RANBP2: variants seen among roughly 807,000 people sequenced by gnomAD.
RANBP2 encodes E3 SUMO-protein ligase RanBP2.
Under a neutral mutation model 303.6 loss-of-function variants are expected in RANBP2, and 57 were observed. That is an observed-to-expected ratio of 0.19 (90% CI 0.15 to 0.23). The LOEUF (loss-of-function observed/expected upper bound fraction) is 0.23, where lower values mean the gene tolerates loss of function less well. RANBP2 is among the 10% of genes least tolerant of loss of function. The pLI is 1.00. For missense variants in RANBP2, 3,138 were observed against 3,780.8 expected (o/e 0.83, Z 4.46); for synonymous variants, 1,167 against 1,301.5 (o/e 0.90, Z 2.23).
At chr2:109,173,389 C>G in the RANBP2 span, among the ~76,000 whole-genome samples, 3 of 152,124 alleles carry the variant, frequency 2.0e-5, no homozygotes, top group African/African-American at 4.8e-5. Context: ...GTGACTGTTT[C>G]AGATAAAGGC....
chr2:108,779,104 T>C (rs1678069962), intron 25 of RANBP2, among the ~76,000 whole-genome samples: 1 of 152,166 alleles, frequency 6.6e-6, no homozygotes, highest in African/African-American at 2.4e-5. Flanking sequence ...GAAGTTCCCA[T>C]GCAACCTGTG....
At chr2:108,956,224 A>G in the RANBP2 span, among the ~76,000 whole-genome samples, 3 of 152,274 alleles carry the variant, frequency 2.0e-5, no homozygotes, top group East Asian at 1.9e-4. Context: ...CTGGTTCCCA[A>G]TTTTCACTGT....
the RANBP2 span, among the ~76,000 whole-genome samples, chr2:109,292,263 A>G: frequency 6.6e-6 from 1 of 152,262 alleles, no homozygotes; most frequent in East Asian, 1.9e-4. Context: ...ATATTTTTAA[A>G]TAGGAAATAA....
downstream of RANBP2, chr2:108,785,840 A>G (rs1393183010): frequency 7.2e-5 from 11 of 152,250 alleles, no homozygotes; most frequent in African/African-American, 2.4e-5. Context: ...GGCAAAAAGT[A>G]TGGCCTAAGT....
chr2:109,012,686 G>T, the RANBP2 span, among the ~76,000 whole-genome samples: 1 of 152,156 alleles, frequency 6.6e-6, no homozygotes, highest in Non-Finnish European at 1.5e-5. Context: ...AGGCCGAGGC[G>T]GGTGGATCAC....
the RANBP2 span, among the ~76,000 whole-genome samples, chr2:109,505,609 C>T: frequency 6.6e-6 from 1 of 152,166 alleles, no homozygotes; most frequent in Non-Finnish European, 1.5e-5. Context: ...GGTAAGGAGG[C>T]CTGCTGTGTG....
At chr2:109,602,769 A>C in the RANBP2 span, among the ~76,000 whole-genome samples, 2 of 152,058 alleles carry the variant, frequency 1.3e-5, no homozygotes, top group Admixed American at 6.6e-5. Flanking sequence ...AGAAAAGCCA[A>C]TGAAATTTGA....
chr2:108,986,806 T>G, the RANBP2 span, among the ~76,000 whole-genome samples: 1 of 152,210 alleles, frequency 6.6e-6, no homozygotes, highest in African/African-American at 2.4e-5. Flanking sequence ...TCCTGCAATA[T>G]ACGAATTCAG....
the RANBP2 span, among the ~76,000 whole-genome samples, chr2:109,383,556 G>A: frequency 6.6e-6 from 1 of 152,156 alleles, no homozygotes; most frequent in Non-Finnish European, 1.5e-5. Flanking sequence ...GCTTCTGCGG[G>A]CTGAGGCACG....
the RANBP2 span, among the ~76,000 whole-genome samples, chr2:109,688,335 A>T: frequency 8.5e-5 from 13 of 152,190 alleles, no homozygotes; most frequent in East Asian, 2.3e-3. Flanking sequence ...ACATCCTCTG[A>T]TGGCTTTGGC....
chr2:109,363,119 C>T, the RANBP2 span, among the ~76,000 whole-genome samples: 1 of 151,728 alleles, frequency 6.6e-6, no homozygotes, highest in Admixed American at 6.6e-5. Flanking sequence ...ATTTGTTGCC[C>T]TTGTTTTTTG....
chr2:109,006,360 A>AT, the RANBP2 span, among the ~76,000 whole-genome samples: 2 of 151,822 alleles, frequency 1.3e-5, no homozygotes, highest in East Asian at 3.9e-4. Flanking sequence ...CGCTTGGCTA[A>AT]TTTTTTGTAT....
the RANBP2 span, among the ~76,000 whole-genome samples, chr2:108,913,949 CAAAAA>C: frequency 1.8e-5 from 2 of 109,156 alleles, no homozygotes; most frequent in African/African-American, 7.2e-5. Context: ...GATTCCGTCT[CAAAAA>C]AAAAAAAAAA....
chr2:109,449,607 C>T, the RANBP2 span: 1 of 1,306,302 alleles, frequency 7.7e-7, no homozygotes, highest in Non-Finnish European at 1.0e-6. Context: ...CTCCAAGTGC[C>T]TGCCCCTAGA....
At chr2:108,836,110 A>C in the RANBP2 span, among the ~76,000 whole-genome samples, 5 of 152,062 alleles carry the variant, frequency 3.3e-5, no homozygotes, top group Non-Finnish European at 7.4e-5. Flanking sequence ...TTTCCAACAC[A>C]TAAATTTTGA....
chr2:109,383,626 G>A, the RANBP2 span, among the ~76,000 whole-genome samples: 3 of 152,164 alleles, frequency 2.0e-5, no homozygotes, highest in East Asian at 5.8e-4. Flanking sequence ...GGTACTTTCT[G>A]TAACCACCTG....
intron 20 of RANBP2, among the ~76,000 whole-genome samples, chr2:108,770,636 A>G (rs1051322542): frequency 6.6e-6 from 1 of 152,226 alleles, no homozygotes; most frequent in African/African-American, 2.4e-5. Context: ...AAATAAATAA[A>G]TAAATAAATT....
At chr2:108,889,315 T>C in the RANBP2 span, among the ~76,000 whole-genome samples, 7 of 152,196 alleles carry the variant, frequency 4.6e-5, no homozygotes, top group Non-Finnish European at 1.0e-4. Context: ...GACCAATTGC[T>C]CTAAAGTTTA....
At chr2:109,449,446 C>G in the RANBP2 span, 1 of 1,613,980 alleles carries the variant, frequency 6.2e-7, no homozygotes, top group Middle Eastern at 1.6e-4. Context: ...ACATCCAGCC[C>G]CACCAACACG....
Sources: gnomAD v4.1 joint callset for allele counts (sites outside exome capture counted in the v4.1 genomes callset) on GRCh38, gnomAD v4.1.1 for gene constraint, MANE v1.5 for transcripts, NCBI Gene and HGNC (gene_info 2026-07-23, HGNC 2026-07-21) for gene names.